COL6A2: variants seen among roughly 807,000 people sequenced by gnomAD.
COL6A2 encodes collagen alpha-2(VI) chain.
In COL6A2, 90 loss-of-function variants were observed where a neutral mutation model predicts 124.9. The ratio of observed to expected loss-of-function variants is 0.72; its 90% CI spans 0.61 to 0.86. The LOEUF (loss-of-function observed/expected upper bound fraction) is 0.86. Ranked by LOEUF, COL6A2 falls within the 40% of genes least tolerant of loss-of-function variation. COL6A2 has a pLI of 0.00. For synonymous variants in COL6A2, 793 were observed against 618.2 expected (o/e 1.28, Z -4.19); for missense variants, 1,607 against 1,502.5 (o/e 1.07, Z -1.15).
In COL6A2 at chr21:46,122,804, T is replaced by TA. The variant is rs577617830; in HGVS notation, c.1609-66dup. 163 of 1,481,164 alleles carry TA rather than the reference T, an allele frequency of 1.1e-4. 2 individuals are homozygous for TA. Among genetic ancestry groups the TA allele is most frequent in the South Asian group, 9.6e-4 (85 of 88,534 alleles). 91.8% of individuals were successfully genotyped at this position (1,481,164 alleles called of 1,614,324 possible). The stretch of plus-strand genomic sequence containing the variant: ...AAAATGCCAGATCGATTTTTCCACA[T>TA]AAAAATCTCACTGGTGTCCCTGGTA... On this transcript the variant is annotated intron_variant, in intron 20 of 27. Coordinates refer to ENST00000300527, the MANE Select transcript of COL6A2 (RefSeq NM_001849.4).
At position 46,118,621 on chromosome 21, in the gene COL6A2, C is replaced by G. The variant is rs753834270; in HGVS notation, c.1124C>G (p.Pro375Arg). 1.2e-6 allele frequency: 2 copies of G among 1,612,562 alleles called. No homozygotes were observed. The highest frequency in any genetic ancestry group is 1.7e-5 in the Admixed American group (1 of 60,008). Residue 375 changes from proline to arginine, a missense_variant, in exon 13 of 28, where the codon CCT becomes CGT. Physicochemically the swap from Pro to Arg is moderately radical, Grantham distance 103 (BLOSUM62 -2). This residue lies in a region of COL6A2 where 1,223 missense variants were observed against 1,052.2 expected (regional missense o/e 1.16). Transcript: ENST00000300527. ...ERGDQGGKGD[P>R]GRPGRRGPPG... The stretch of plus-strand genomic sequence containing the variant: ...TTCTGCAAACCCTTCCAGGGGGACC[C>G]TGGCCGCCCAGGACGCAGAGGGCCC...
chr21:46,118,282 G>A lies in COL6A2; in HGVS notation c.1117-332G>A, dbSNP rs575716441. Among the ~76,000 whole-genome samples the A allele has an allele frequency of 2.9e-3, 440 of 152,230 alleles. 2 individuals are homozygous for A. The highest frequency in any genetic ancestry group is 0.01 in the African/African-American group (421 of 41,556). On this transcript the variant is annotated intron_variant, in intron 12 of 27. Coordinates refer to ENST00000300527, the MANE Select transcript of COL6A2 (RefSeq NM_001849.4). ...CCTGGGCCGCCTGCAGTGTCGCCCCGCCCCTGGCGGCCCCAGGATCCCCAA... is the reference window on the plus strand; with the variant it reads ...CCTGGGCCGCCTGCAGTGTCGCCCCACCCCTGGCGGCCCCAGGATCCCCAA...
chr21:46,123,850 A>G (rs972573976), intron 21 of COL6A2, among the ~76,000 whole-genome samples: 1 of 83,600 alleles, frequency 1.2e-5, no homozygotes, highest in African/African-American at 4.5e-5. Flanking sequence ...TGGATGGATG[A>G]ATGAGTTAGT....
At chr21:46,126,452 G>C (rs371401281) in intron 26 of COL6A2, 51 bp from the exon 27 acceptor site, 2 of 1,606,604 alleles carry the variant, frequency 1.2e-6, no homozygotes, top group African/African-American at 2.7e-5. Context: ...GCCGCTGAGG[G>C]TTCGCTAGGG....
intron 27 of COL6A2, chr21:46,128,995 A>AGCTTCCT: frequency 6.2e-7 from 1 of 1,605,390 alleles, no homozygotes; most frequent in South Asian, 1.1e-5. Context: ...GCTCCCTGCC[A>AGCTTCCT]GCTTCCTGTC....
At chr21:46,119,613 A>C (rs1381979136) in intron 14 of COL6A2, among the ~76,000 whole-genome samples, 175 bp from the exon 15 acceptor site, 1 of 152,198 alleles carries the variant, frequency 6.6e-6, no homozygotes, top group African/African-American at 2.4e-5. Flanking sequence ...CTGGCAGCAG[A>C]GCCACTGGCG....
At chr21:46,131,070 T>A (rs2078754245) in intron 27 of COL6A2, among the ~76,000 whole-genome samples, 1 of 152,218 alleles carries the variant, frequency 6.6e-6, no homozygotes. Context: ...GGGGTCCATG[T>A]ACCAGCTGTG....
intron 1 of COL6A2, among the ~76,000 whole-genome samples, chr21:46,105,685 C>G (rs2078328469): frequency 6.6e-6 from 1 of 151,980 alleles, no homozygotes; most frequent in African/African-American, 2.4e-5. Context: ...TGTTAAAATG[C>G]AATCCCCATG....
chr21:46,118,607 C>G lies in COL6A2; in HGVS notation c.1117-7C>G. On this transcript the variant is annotated splice_polypyrimidine_tract_variant and splice_region_variant and intron_variant, in intron 12 of 27. Transcript: ENST00000300527. ...AGACGTGAGGCTGATTCTGCAAACC[C>G]TTCCAGGGGGACCCTGGCCGCCCAG... The G allele has an allele frequency of 1.9e-6, 3 of 1,612,456 alleles. No individual in the cohort carries two copies. The East Asian group carries it at 6.7e-5, about 36-fold the overall frequency.
At chr21:46,123,641 ATGGATAAG>A (rs1267179385) in intron 21 of COL6A2, among the ~76,000 whole-genome samples, 1 of 141,634 alleles carries the variant, frequency 7.1e-6, no homozygotes, top group African/African-American at 2.5e-5. Flanking sequence ...GGGTGGGTGG[ATGGATAAG>A]TGGATACATG....
intron 1 of COL6A2, among the ~76,000 whole-genome samples, chr21:46,100,719 G>A (rs528236041): frequency 1.9e-4 from 29 of 152,296 alleles, no homozygotes; most frequent in Non-Finnish European, 2.5e-4. Flanking sequence ...ACACTGTAAC[G>A]TATGTCAGCA....
chr21:46,113,985 C>T (rs758689269), intron 4 of COL6A2, 23 bp from the exon 5 acceptor site: 4 of 1,611,534 alleles, frequency 2.5e-6, no homozygotes, highest in Non-Finnish European at 3.4e-6. Context: ...ATGCAACCTT[C>T]TGTCTCTGCT....
intron 21 of COL6A2, among the ~76,000 whole-genome samples, chr21:46,123,762 G>A (rs1415939834): frequency 7.4e-6 from 1 of 135,000 alleles, no homozygotes; most frequent in Admixed American, 7.2e-5. Context: ...ATGGATGAGT[G>A]GGGGGATGGA....
chr21:46,122,355 CA>C, intron 19 of COL6A2, 140 bp from the exon 20 acceptor site: 1 of 1,309,600 alleles, frequency 7.6e-7, no homozygotes, highest in Admixed American at 1.8e-5. Context: ...GAAAAGAGCA[CA>C]GCTCAGAACG....
chr21:46,131,256 T>C (rs1467365526), intron 27 of COL6A2, among the ~76,000 whole-genome samples: 1 of 152,174 alleles, frequency 6.6e-6, no homozygotes, highest in Non-Finnish European at 1.5e-5. Flanking sequence ...ACACGTGTGG[T>C]AGGCAGCCTG....
chr21:46,127,381 G>T (rs1568942222), intron 27 of COL6A2, among the ~76,000 whole-genome samples: 1 of 152,128 alleles, frequency 6.6e-6, no homozygotes, highest in East Asian at 1.9e-4. Context: ...GGGCCACTGA[G>T]CACATTCACA....
intron 13 of COL6A2, among the ~76,000 whole-genome samples, 167 bp downstream of exon 13, chr21:46,118,843 A>G (rs1418096005): frequency 2.6e-5 from 4 of 152,206 alleles, no homozygotes; most frequent in Non-Finnish European, 5.9e-5. Flanking sequence ...CTGAGCCACC[A>G]GCCCCTCTGA....
At chr21:46,110,007 A>C (rs970603606) in intron 1 of COL6A2, among the ~76,000 whole-genome samples, 1 of 152,198 alleles carries the variant, frequency 6.6e-6, no homozygotes, top group African/African-American at 2.4e-5. Flanking sequence ...TGCAAGGGGC[A>C]GGGATCCCAC....
At chr21:46,126,993 G>A (rs1033524774) in intron 27 of COL6A2, among the ~76,000 whole-genome samples, 1 of 123,964 alleles carries the variant, frequency 8.1e-6, no homozygotes. Flanking sequence ...GGCCTGCCTC[G>A]GAGCTGCAGC....
Sources: gnomAD v4.1 joint callset for allele counts (sites outside exome capture counted in the v4.1 genomes callset) on GRCh38, gnomAD v4.1.1 for gene constraint, gnomAD v4.1.1 regional missense constraint, MANE v1.5 for transcripts, NCBI Gene and HGNC (gene_info 2026-07-23, HGNC 2026-07-21) for gene names.